TSPAN7: variants seen among roughly 807,000 people sequenced by gnomAD.
TSPAN7 encodes the protein tetraspanin-7.
Under a neutral mutation model 17.6 loss-of-function variants are expected in TSPAN7, and 1 was observed. The ratio of observed to expected loss-of-function variants is 0.06; its 90% CI spans 0.02 to 0.27. TSPAN7 has a LOEUF of 0.27. Ranked by LOEUF, TSPAN7 falls within the 10% of genes least tolerant of loss-of-function variation. TSPAN7 has a pLI of 1.00. For missense variants in TSPAN7, 112 were observed against 201.7 expected, an observed-to-expected ratio of 0.56 and a Z score of 2.69; for synonymous variants, 78 against 79.0, an observed-to-expected ratio of 0.99 and a Z score of 0.07.
At chrX:38,668,508 T>G (rs760800260) in intron 2 of TSPAN7, among the ~76,000 whole-genome samples, 165 of 112,186 alleles carry the variant, frequency 1.5e-3, no homozygotes, top group Middle Eastern at 4.6e-3. Context: ...TAAAAATGTC[T>G]TTTAGATCAA....
At chrX:38,629,371 C>T (rs2069538082) in intron 1 of TSPAN7, among the ~76,000 whole-genome samples, 1 of 112,440 alleles carries the variant, frequency 8.9e-6, no homozygotes, top group African/African-American at 3.2e-5. Flanking sequence ...ACTTGAATTA[C>T]TTAAATTGCA....
At chrX:38,663,659 A>G (rs1054701809) in intron 1 of TSPAN7, among the ~76,000 whole-genome samples, 1 of 112,553 alleles carries the variant, frequency 8.9e-6, no homozygotes, top group South Asian at 3.7e-4. Context: ...GGGTTCATAT[A>G]CAAAGCAATG....
At chrX:38,562,225 G>T (rs1335515963) in intron 1 of TSPAN7, among the ~76,000 whole-genome samples, 1 of 111,908 alleles carries the variant, frequency 8.9e-6, no homozygotes, top group African/African-American at 3.2e-5. Flanking sequence ...GGAGGCGCAC[G>T]AAAGGGAGAG....
chrX:38,571,717 A>G (rs1602083020), intron 1 of TSPAN7, among the ~76,000 whole-genome samples: 1 of 109,190 alleles, frequency 9.2e-6, no homozygotes, highest in African/African-American at 3.4e-5. Context: ...TTTAATTGAT[A>G]TGAAGAGAAA....
At chrX:38,572,714 G>A (rs776684569) in intron 1 of TSPAN7, among the ~76,000 whole-genome samples, 5 of 111,016 alleles carry the variant, frequency 4.5e-5, no homozygotes, top group African/African-American at 9.8e-5. Flanking sequence ...GACCCCTTTG[G>A]GGTTGAAAAG....
chrX:38,617,074 G>A (rs1706060418), intron 1 of TSPAN7, among the ~76,000 whole-genome samples: 2 of 111,864 alleles, frequency 1.8e-5, no homozygotes, highest in African/African-American at 6.5e-5. Context: ...CGGCTCAAAA[G>A]CAGCCACAGT....
At chrX:38,674,446 C>T in intron 4 of TSPAN7, 130 bp downstream of exon 4, 1 of 572,396 alleles carries the variant, frequency 1.7e-6, no homozygotes, top group Non-Finnish European at 3.0e-6. Context: ...GTTCCATTGC[C>T]AAGAGTTGAC....
chrX:38,636,874 C>T (rs2069583474), intron 1 of TSPAN7, among the ~76,000 whole-genome samples: 1 of 111,147 alleles, frequency 9.0e-6, no homozygotes, highest in African/African-American at 3.3e-5. Context: ...AAGGAGGTCT[C>T]GAACTCCTGA....
intron 1 of TSPAN7, among the ~76,000 whole-genome samples, chrX:38,600,533 T>G (rs2069340806): frequency 8.9e-6 from 1 of 111,739 alleles, no homozygotes; most frequent in Admixed American, 9.5e-5. Context: ...GCCAGCTGTT[T>G]GTCACTTCCA....
chrX:38,684,960 A>G (rs1434641438), intron 6 of TSPAN7, among the ~76,000 whole-genome samples: 4 of 111,909 alleles, frequency 3.6e-5, no homozygotes, highest in Admixed American at 9.5e-5. Flanking sequence ...TTTTATAACA[A>G]AAAGACTTCA....
chrX:38,571,346 T>A (rs188152048), intron 1 of TSPAN7, among the ~76,000 whole-genome samples: 81 of 111,468 alleles, frequency 7.3e-4, no homozygotes, highest in African/African-American at 2.2e-3. Flanking sequence ...CTGATTCAAC[T>A]GGTCTGGACA....
chrX:38,566,418 TA>T, intron 1 of TSPAN7: 1 of 714,450 alleles, frequency 1.4e-6, no homozygotes, highest in Non-Finnish European at 1.8e-6. Flanking sequence ...GTTTACTCAC[TA>T]AATACTTATT....
chrX:38,603,659 G>T (rs1427117507), intron 1 of TSPAN7, among the ~76,000 whole-genome samples: 1 of 111,216 alleles, frequency 9.0e-6, no homozygotes, highest in East Asian at 2.8e-4. Context: ...GATTCCATTT[G>T]TATAAAATGA....
In TSPAN7 at chrX:38,621,939, G is replaced by A. The variant is rs1393537311; in HGVS notation, c.82-44182G>A. ...TGCAGATGCAGAATTTTAATCCAGG[G>A]TATGCTGTATATAAGTAACTTTTGC... On this transcript the variant is annotated intron_variant, in intron 1 of 7. Coordinates refer to ENST00000378482, the MANE Select transcript of TSPAN7 (RefSeq NM_004615.4). 2.7e-5 allele frequency among the ~76,000 whole-genome samples: 3 copies of A among 112,050 alleles called. No individual in the cohort carries two copies. In the Admixed American group the frequency reaches 2.8e-4, roughly 11 times the overall value.
intron 1 of TSPAN7, among the ~76,000 whole-genome samples, chrX:38,593,636 T>C (rs2069304091): frequency 8.9e-6 from 1 of 112,136 alleles, no homozygotes; most frequent in African/African-American, 3.2e-5. Context: ...AATGCTGTTA[T>C]TGCAAGAATG....
rs780387868 is a variant in TSPAN7, at chrX:38,601,797, A to G, written c.81+40170A>G. Among the ~76,000 whole-genome samples the G allele has an allele frequency of 1.3e-4, 14 of 111,826 alleles. No homozygotes were observed. In the South Asian group the frequency reaches 4.8e-3, roughly 38 times the overall value. ...GGGCTTGACTCAGCTGGGATGGCCC[A>G]TCTCTGTTCCACATGGTGTCATCTA... On this transcript the variant is annotated intron_variant, in intron 1 of 7. Coordinates refer to ENST00000378482, the MANE Select transcript of TSPAN7 (RefSeq NM_004615.4).
chrX:38,590,056 A>G (rs2069282178), intron 1 of TSPAN7, among the ~76,000 whole-genome samples: 1 of 112,582 alleles, frequency 8.9e-6, no homozygotes, highest in South Asian at 3.6e-4. Flanking sequence ...GCAAAATAAT[A>G]TTTGGTCATA....
intron 1 of TSPAN7, among the ~76,000 whole-genome samples, chrX:38,644,611 T>C (rs1161892030): frequency 9.0e-6 from 1 of 111,621 alleles, no homozygotes; most frequent in East Asian, 2.8e-4. Context: ...TCTGTAGGGA[T>C]GAATAAATGA....
intron 1 of TSPAN7, among the ~76,000 whole-genome samples, chrX:38,659,242 T>C (rs1014116486): frequency 9.0e-6 from 1 of 111,731 alleles, no homozygotes; most frequent in Admixed American, 9.5e-5. Flanking sequence ...CATGTCCTGC[T>C]GGGCATTCTT....
Sources: allele counts gnomAD v4.1 joint callset (sites outside exome capture counted in the v4.1 genomes callset), GRCh38; gene constraint gnomAD v4.1.1; transcripts MANE v1.5; gene names NCBI Gene and HGNC (gene_info 2026-07-23, HGNC 2026-07-21).